FAM20C: variants seen among roughly 807,000 people sequenced by gnomAD.
The protein encoded by FAM20C is FAM20C golgi associated secretory pathway kinase, also known as extracellular serine/threonine protein kinase FAM20C.
Under a neutral mutation model 51.5 loss-of-function variants are expected in FAM20C, and 40 were observed. The ratio of observed to expected loss-of-function variants is 0.78; its 90% confidence interval spans 0.60 to 1.01. FAM20C has a LOEUF of 1.01. Among genes scored for constraint, FAM20C ranks in the 50% least tolerant of loss-of-function variants. The probability of loss-of-function intolerance (pLI) is 0.00; values close to 1 mark genes in which losing one functional copy is unlikely to be tolerated. For synonymous variants in FAM20C, 406 were observed against 380.6 expected, an observed-to-expected ratio of 1.07 and a Z score of -0.78; for missense variants, 861 against 844.7, an observed-to-expected ratio of 1.02 and a Z score of -0.24.
intron 2 of FAM20C, among the ~76,000 whole-genome samples, chr7:197,783 G>C (rs147146230): frequency 6.6e-6 from 1 of 152,338 alleles, no homozygotes; most frequent in East Asian, 1.9e-4. Context: ...AGAGGTGTGG[G>C]AGTTCTGTGC....
At position 193,419 on chromosome 7, in the gene FAM20C, T is replaced by C; in HGVS notation, c.220T>C (p.Ser74Pro). The C allele has an allele frequency of 7.1e-7, 1 of 1,415,016 alleles. No homozygotes were observed. Among genetic ancestry groups the C allele is most frequent in the Non-Finnish European group, 9.3e-7 (1 of 1,073,126 alleles). 87.7% of individuals were successfully genotyped at this position (1,415,016 alleles called of 1,614,324 possible). ...CCGCCCCGGGGAGCCCCCGGCCGCC[T>C]CCTCCGCCGCCGGCGACGCGGGCTG... is the stretch of plus-strand genomic sequence containing the variant. ...RGRPGEPPAA[S>P]SAAGDAGWPN... The change falls in exon 1 of 10, where the codon TCC becomes CCC. Residue 74 changes from serine (S) to proline (P), a missense_variant. Ser to Pro is a moderately conservative substitution (Grantham distance 74). Around this residue, in one of 3 missense-constraint regions of FAM20C, gnomAD observed 561 missense variants for 499.8 expected, o/e 1.12. Coordinates refer to ENST00000313766, the MANE Select transcript of FAM20C (RefSeq NM_020223.4).
rs955119745 is a variant in FAM20C at position 236,728 on chromosome 7, C to T, written c.864-9687C>T. Among the ~76,000 whole-genome samples, 120 of 149,894 alleles carry T rather than the reference C, an allele frequency of 8.0e-4. 1 individual carries two copies. Among genetic ancestry groups the T allele is most frequent in the Admixed American group, 6.1e-3 (91 of 14,986 alleles). On this transcript the variant is annotated intron_variant, in intron 3 of 9. Coordinates refer to ENST00000313766, the MANE Select transcript of FAM20C (RefSeq NM_020223.4). Reference sequence around the variant, plus strand: ...TTCATGCGGAGGTGAGGCGGGTGCCCTGGAATCTGGGGTCCCGGTGGCTGT... The same window carrying T: ...TTCATGCGGAGGTGAGGCGGGTGCCTTGGAATCTGGGGTCCCGGTGGCTGT...
In FAM20C at chr7:260,186, G is replaced by A. The variant is rs147183623; in HGVS notation, c.*206G>A. Reference sequence around the variant, plus strand: ...GACCAGAAAAGCTTGGGAAGGAAGCGCTGTCTGTGCTCACGGACAGAGGCG... The same window carrying A: ...GACCAGAAAAGCTTGGGAAGGAAGCACTGTCTGTGCTCACGGACAGAGGCG... On this transcript the variant is annotated 3_prime_UTR_variant, in exon 10 of 10. Coordinates refer to ENST00000313766, the MANE Select transcript of FAM20C (RefSeq NM_020223.4). 0.023 allele frequency: 15,383 copies of A among 680,634 alleles called. 1,414 individuals carry two copies. Among genetic ancestry groups the A allele is most frequent in the African/African-American group, 0.22 (11,965 of 54,908 alleles). The allele number at this position is 680,634 out of a possible 1,614,324, so 42.2% of individuals were successfully genotyped here. A position where few individuals can be genotyped will look rare whatever the true frequency, so the allele number is the denominator to read the frequency against.
intron 5 of FAM20C, among the ~76,000 whole-genome samples, 185 bp from the exon 6 acceptor site, chr7:255,664 C>T (rs1315134653): frequency 6.6e-6 from 1 of 152,072 alleles, no homozygotes; most frequent in African/African-American, 2.4e-5. Context: ...GGGACGTCAG[C>T]TCTGTGGGTT....
chr7:204,677 G>T (rs1010976297), intron 2 of FAM20C, among the ~76,000 whole-genome samples: 1 of 151,682 alleles, frequency 6.6e-6, no homozygotes, highest in African/African-American at 2.4e-5. Context: ...CGTGGTGAGC[G>T]CCCACACTGC....
intron 6 of FAM20C, chr7:256,371 A>G: frequency 1.7e-6 from 1 of 571,636 alleles, no homozygotes; most frequent in South Asian, 2.2e-5. Flanking sequence ...TGTCCTCGTG[A>G]GTGTGTAGTC....
intron 3 of FAM20C, among the ~76,000 whole-genome samples, chr7:244,561 G>A (rs1164556192): frequency 3.9e-5 from 6 of 152,222 alleles, no homozygotes; most frequent in East Asian, 1.9e-4. Context: ...TCTGCAGGGC[G>A]ACCCTGGCGG....
At chr7:236,515 C>T (rs1354296951) in intron 3 of FAM20C, among the ~76,000 whole-genome samples, 3 of 152,236 alleles carry the variant, frequency 2.0e-5, no homozygotes, top group Non-Finnish European at 4.4e-5. Flanking sequence ...CCCTTCCCCT[C>T]GCCCTCACCT....
chr7:229,283 A>C (rs1787568578), intron 3 of FAM20C: 1 of 235,150 alleles, frequency 4.3e-6, no homozygotes, highest in Non-Finnish European at 8.5e-6. Flanking sequence ...ACTTTGCTGC[A>C]ATGTGTTCTG....
chr7:230,459 G>A (rs769882837), intron 3 of FAM20C, among the ~76,000 whole-genome samples: 4 of 150,524 alleles, frequency 2.7e-5, no homozygotes, highest in Non-Finnish European at 5.9e-5. Flanking sequence ...CTGGACCTCT[G>A]TGTCCCGGCG....
rs28420438 is a variant in FAM20C at position 225,964 on chromosome 7, T to C, written c.863+16988T>C. Among the ~76,000 whole-genome samples, 204 of 59,482 alleles carry C rather than the reference T, an allele frequency of 3.4e-3. 28 individuals carry two copies. Among genetic ancestry groups the C allele is most frequent in the African/African-American group, 9.9e-3 (180 of 18,118 alleles). 39.0% of individuals were successfully genotyped at this position (59,482 alleles called of 152,430 possible). On this transcript the variant is annotated intron_variant, in intron 3 of 9. Coordinates refer to ENST00000313766, the MANE Select transcript of FAM20C (RefSeq NM_020223.4). ...CTGAGCCTTCTCTCATTGCGCAGAATGGCACCCTCATGGGGTCGCACGGCG... is the reference window on the plus strand; with the variant it reads ...CTGAGCCTTCTCTCATTGCGCAGAACGGCACCCTCATGGGGTCGCACGGCG...
intron 3 of FAM20C, among the ~76,000 whole-genome samples, chr7:211,402 A>G (rs1385690924): frequency 9.9e-5 from 7 of 70,974 alleles, no homozygotes; most frequent in Admixed American, 3.1e-4. Flanking sequence ...CTTCCACCTC[A>G]CCTCCTCCAC....
At position 256,058 on chromosome 7, in the gene FAM20C, C is replaced by T. The variant is rs370300921; in HGVS notation, c.1253+29C>T. On this transcript the variant is annotated intron_variant, in intron 6 of 9. Coordinates refer to ENST00000313766, the MANE Select transcript of FAM20C (RefSeq NM_020223.4). ...AGTGCGGGGCCGGGGGGCTGGCGTC[C>T]GGCCACCCTACGGCAGAGGGAGCTG... 2,448 of 1,530,206 alleles carry T rather than the reference C, an allele frequency of 1.6e-3. 31 individuals are homozygous for T. The African/African-American group carries it at 0.029, about 18-fold the overall frequency. The allele number at this position is 1,530,206 out of a possible 1,614,324, so 94.8% of individuals were successfully genotyped here.
intron 3 of FAM20C, among the ~76,000 whole-genome samples, chr7:243,944 A>AATAATAATTATT (rs771341264): frequency 1.3e-4 from 18 of 136,844 alleles, no homozygotes; most frequent in South Asian, 7.3e-4. Context: ...TAATAATAAT[A>AATAATAATTATT]ATTATTATTA....
At chr7:210,212 G>A (rs994017038) in intron 3 of FAM20C, among the ~76,000 whole-genome samples, 3 of 142,390 alleles carry the variant, frequency 2.1e-5, no homozygotes, top group Non-Finnish European at 3.1e-5. Flanking sequence ...CGGGTCTCAC[G>A]GCCCAGCCCT....
chr7:193,858 T>TG (rs1785718522), intron 1 of FAM20C, 54 bp downstream of exon 1: 2 of 1,532,384 alleles, frequency 1.3e-6, no homozygotes, highest in Non-Finnish European at 1.8e-6. Context: ...GCCCAAGGCA[T>TG]GGTGTAGAGA....
At chr7:234,387 G>C (rs1261210099) in intron 3 of FAM20C, among the ~76,000 whole-genome samples, 1 of 152,194 alleles carries the variant, frequency 6.6e-6, no homozygotes, top group East Asian at 1.9e-4. Flanking sequence ...GCCGGGTGCA[G>C]CTTGATCTCG....
chr7:205,120 C>T (rs969857503), intron 2 of FAM20C, among the ~76,000 whole-genome samples: 4 of 152,224 alleles, frequency 2.6e-5, no homozygotes, highest in East Asian at 1.9e-4. Context: ...GGAAAGGAGG[C>T]GGGACAGGCG....
chr7:208,119 G>A (rs576440790), intron 2 of FAM20C, among the ~76,000 whole-genome samples: 51 of 152,272 alleles, frequency 3.3e-4, no homozygotes, highest in South Asian at 8.3e-4. Flanking sequence ...GCCACTCCCC[G>A]TTCTTAGGCA....
Sources: gnomAD v4.1 joint callset for allele counts (sites outside exome capture counted in the v4.1 genomes callset) on GRCh38, gnomAD v4.1.1 for gene constraint, gnomAD v4.1.1 regional missense constraint, MANE v1.5 for transcripts, NCBI Gene and HGNC (gene_info 2026-07-23, HGNC 2026-07-21) for gene names.